The following PTPRT variants were observed in gnomAD, a reference collection of about 807,000 sequenced individuals.
PTPRT encodes the protein receptor-type tyrosine-protein phosphatase T.
A neutral mutation model predicts 176.8 loss-of-function variants in PTPRT; 56 were observed. The ratio of observed to expected loss-of-function variants is 0.32; its 90% CI spans 0.26 to 0.40. PTPRT has a LOEUF of 0.40. Ranked by LOEUF, PTPRT falls within the 10% of genes least tolerant of loss-of-function variation. PTPRT has a pLI of 1.00. For missense variants in PTPRT, 1,540 were observed against 1,908.2 expected (o/e 0.81, Z 3.60); for synonymous variants, 783 against 739.0 (o/e 1.06, Z -0.96).
At chr20:42,715,614 GATAC>G (rs2076211048) in intron 6 of PTPRT, among the ~76,000 whole-genome samples, 1 of 152,082 alleles carries the variant, frequency 6.6e-6, no homozygotes, top group Non-Finnish European at 1.5e-5. Context: ...CTGAACAATG[GATAC>G]ATATACACAA....
At chr20:43,103,837 T>A (rs142805252) in intron 1 of PTPRT, among the ~76,000 whole-genome samples, 1 of 152,076 alleles carries the variant, frequency 6.6e-6, no homozygotes, top group East Asian at 1.9e-4. Context: ...ACTGATATAA[T>A]GTGAAAATCC....
At chr20:42,085,578 G>A (rs74355524) in intron 28 of PTPRT, 150 bp downstream of exon 28, 16,126 of 1,194,296 alleles carry the variant, frequency 0.014, 141 homozygotes, top group Non-Finnish European at 0.017. Context: ...GTCTGGAGCC[G>A]GAATCAGCAC....
At chr20:43,120,310 T>C (rs1405065795) in intron 1 of PTPRT, among the ~76,000 whole-genome samples, 3 of 152,002 alleles carry the variant, frequency 2.0e-5, no homozygotes. Context: ...CTCACTCTGT[T>C]GCCCAGGCTG....
chr20:42,535,759 G>A (rs2072465275), intron 7 of PTPRT, among the ~76,000 whole-genome samples: 1 of 152,124 alleles, frequency 6.6e-6, no homozygotes, highest in South Asian at 2.1e-4. Context: ...TAAAGAGGTT[G>A]AGTGCACTTA....
chr20:43,161,366 T>C lies in PTPRT; in HGVS notation c.88+28280A>G, dbSNP rs2014692250. Among the ~76,000 whole-genome samples the C allele has an allele frequency of 2.0e-5, 3 of 152,154 alleles. No homozygotes were observed. In the South Asian group the frequency reaches 6.2e-4, roughly 31 times the overall value. ...ATGACATGAAGGAGAAAGAGCTCTA[T>C]GTTACCCTGACACATTCATTAAAGA... On this transcript the variant is annotated intron_variant, in intron 1 of 30. Coordinates refer to ENST00000373187, the MANE Select transcript of PTPRT (RefSeq NM_007050.6).
intron 19 of PTPRT, among the ~76,000 whole-genome samples, chr20:42,127,775 C>T (rs1045157319): frequency 1.3e-5 from 2 of 152,180 alleles, no homozygotes; most frequent in South Asian, 4.1e-4. Flanking sequence ...TCCATGCATA[C>T]CCTTCTTGGC....
intron 1 of PTPRT, among the ~76,000 whole-genome samples, chr20:43,065,257 G>T (rs1177213367): frequency 6.6e-6 from 1 of 152,118 alleles, no homozygotes; most frequent in Non-Finnish European, 1.5e-5. Context: ...ACAGATCTAG[G>T]ATCCTATAAT....
At chr20:42,786,236 C>A (rs1322317146) in intron 3 of PTPRT, among the ~76,000 whole-genome samples, 1 of 152,104 alleles carries the variant, frequency 6.6e-6, no homozygotes, top group Non-Finnish European at 1.5e-5. Context: ...TTCTTTATAG[C>A]AGTATGAGAA....
intron 7 of PTPRT, among the ~76,000 whole-genome samples, chr20:42,486,024 C>T (rs1468270002): frequency 6.6e-6 from 1 of 152,202 alleles, no homozygotes; most frequent in East Asian, 1.9e-4. Context: ...ACACGGATCA[C>T]AGTACAACAG....
intron 9 of PTPRT, among the ~76,000 whole-genome samples, chr20:42,423,334 T>A (rs1317670884): frequency 2.0e-5 from 3 of 152,086 alleles, no homozygotes; most frequent in Admixed American, 6.6e-5. Flanking sequence ...AGGCTAGGTA[T>A]CAGGCCCCAG....
chr20:42,169,499 T>C (rs1402788546), intron 16 of PTPRT, among the ~76,000 whole-genome samples: 2 of 152,036 alleles, frequency 1.3e-5, no homozygotes, highest in Admixed American at 6.6e-5. Flanking sequence ...TGATGAATTA[T>C]AGCAGCATCA....
intron 26 of PTPRT, among the ~76,000 whole-genome samples, chr20:42,099,564 G>GGGGGGGGT (rs1985713365): frequency 1.9e-5 from 1 of 52,964 alleles, no homozygotes. Context: ...GGGGGGGTGG[G>GGGGGGGGT]GTGGTCTGGC....
chr20:42,761,325 T>C (rs886419652), intron 5 of PTPRT, among the ~76,000 whole-genome samples: 1 of 151,590 alleles, frequency 6.6e-6, no homozygotes, highest in African/African-American at 2.4e-5. Context: ...TCCCAGCTGC[T>C]CGGGAGGCCG....
At chr20:42,047,168 G>T in the PTPRT span, among the ~76,000 whole-genome samples, 5 of 152,188 alleles carry the variant, frequency 3.3e-5, no homozygotes, top group Non-Finnish European at 7.4e-5. Context: ...ATGTCAATCA[G>T]ACCAGAAGTG....
chr20:42,500,775 G>A (rs951230355), intron 7 of PTPRT, among the ~76,000 whole-genome samples: 5 of 151,924 alleles, frequency 3.3e-5, no homozygotes, highest in African/African-American at 1.2e-4. Flanking sequence ...GATTTATAAG[G>A]GGTATTTTTA....
At chr20:43,138,413 C>T (rs564339983) in intron 1 of PTPRT, among the ~76,000 whole-genome samples, 1 of 152,364 alleles carries the variant, frequency 6.6e-6, no homozygotes, top group East Asian at 1.9e-4. Context: ...TCCTGATAGA[C>T]ATGAGCCATG....
the PTPRT span, among the ~76,000 whole-genome samples, chr20:42,032,105 G>A: frequency 6.6e-6 from 1 of 152,042 alleles, no homozygotes; most frequent in South Asian, 2.1e-4. Flanking sequence ...CCAAAGGACA[G>A]AATGCCTTTT....
intron 9 of PTPRT, among the ~76,000 whole-genome samples, chr20:42,416,763 A>G (rs1473858102): frequency 6.6e-6 from 1 of 152,204 alleles, no homozygotes; most frequent in Non-Finnish European, 1.5e-5. Flanking sequence ...TTACATAGTG[A>G]CTGAATAAGA....
chr20:42,883,738 ACT>A (rs142025657), intron 2 of PTPRT, among the ~76,000 whole-genome samples: 3 of 6,720 alleles, frequency 4.5e-4, no homozygotes, highest in Admixed American at 2.4e-3. Context: ...ACCCCCATAC[ACT>A]CTCACACATA....
Sources: gnomAD v4.1 joint callset for allele counts (sites outside exome capture counted in the v4.1 genomes callset) on GRCh38, gnomAD v4.1.1 for gene constraint, MANE v1.5 for transcripts, NCBI Gene and HGNC (gene_info 2026-07-23, HGNC 2026-07-21) for gene names.